The following CFAP20DC variants were observed in gnomAD, a reference collection of about 807,000 sequenced individuals.
CFAP20DC encodes the protein CFAP20 domain containing.
A neutral mutation model predicts 101.7 loss-of-function variants in CFAP20DC; 84 were observed. The ratio of observed to expected loss-of-function variants is 0.83; its 90% CI spans 0.69 to 0.99. The LOEUF (loss-of-function observed/expected upper bound fraction) is 0.99, where lower values mean the gene tolerates loss of function less well. CFAP20DC is among the 50% of genes least tolerant of loss of function. CFAP20DC has a pLI of 0.00. For missense variants in CFAP20DC, 1,007 were observed against 970.3 expected (o/e 1.04, Z -0.50); for synonymous variants, 359 against 351.2 (o/e 1.02, Z -0.25).
At chr3:58,789,284 C>A (rs2072648352) in intron 15 of CFAP20DC, among the ~76,000 whole-genome samples, 1 of 152,092 alleles carries the variant, frequency 6.6e-6, no homozygotes, top group South Asian at 2.1e-4. Flanking sequence ...AAAATAAAAC[C>A]ATCCAAATCT....
At chr3:58,871,535 T>C (rs542195489) in intron 7 of CFAP20DC, among the ~76,000 whole-genome samples, 3 of 151,548 alleles carry the variant, frequency 2.0e-5, no homozygotes, top group Admixed American at 6.6e-5. Context: ...ACTTTTCTTT[T>C]TTTTTTTTTT....
chr3:59,018,123 C>T (rs2108951969), intron 4 of CFAP20DC: 1 of 152,162 alleles, frequency 6.6e-6, no homozygotes, highest in Admixed American at 6.5e-5. Flanking sequence ...GCTGCACTGG[C>T]CAGGGGAGAT....
intron 13 of CFAP20DC, among the ~76,000 whole-genome samples, chr3:58,842,003 C>T (rs565488127): frequency 3.9e-5 from 6 of 152,086 alleles, no homozygotes; most frequent in Non-Finnish European, 8.8e-5. Flanking sequence ...GCAATATTAC[C>T]CAGAGGGTTG....
At chr3:58,945,367 G>A (rs1355468399) in intron 4 of CFAP20DC, among the ~76,000 whole-genome samples, 1 of 152,164 alleles carries the variant, frequency 6.6e-6, no homozygotes, top group Non-Finnish European at 1.5e-5. Flanking sequence ...CCTACACTGT[G>A]TTTGAATGGA....
intron 6 of CFAP20DC, among the ~76,000 whole-genome samples, chr3:58,900,308 G>A (rs1344280052): frequency 6.6e-6 from 1 of 152,224 alleles, no homozygotes; most frequent in Non-Finnish European, 1.5e-5. Flanking sequence ...CTTATGGACA[G>A]AAGCCCCTTA....
intron 4 of CFAP20DC, among the ~76,000 whole-genome samples, chr3:59,033,616 C>A (rs1270950793): frequency 6.6e-6 from 1 of 151,742 alleles, no homozygotes; most frequent in Non-Finnish European, 1.5e-5. Flanking sequence ...TGAAGATCAA[C>A]TTAAGGAAAT....
chr3:58,965,851 C>T (rs941819666), intron 4 of CFAP20DC, among the ~76,000 whole-genome samples: 10 of 152,114 alleles, frequency 6.6e-5, no homozygotes, highest in African/African-American at 1.9e-4. Flanking sequence ...AAAAGAGTTA[C>T]GTGGCATAGA....
rs1344556406 is a variant in CFAP20DC, at chr3:58,788,307, C to A, written c.2237+18088G>T. 1.3e-5 allele frequency among the ~76,000 whole-genome samples: 2 copies of A among 151,988 alleles called. No individual in the cohort carries two copies. The highest frequency in any genetic ancestry group is 4.8e-5 in the African/African-American group (2 of 41,372). ...AGATGGATGTTTCTAATATAATGGG[C>A]CCCTCAGATGAACAAATTAAATTCA... is the stretch of plus-strand genomic sequence containing the variant. On this transcript the variant is annotated intron_variant, in intron 15 of 16. Transcript: ENST00000482387. The surrounding 1 kb of genome is among the most constrained non-coding windows in gnomAD (Gnocchi z 4.2).
intron 3 of CFAP20DC, among the ~76,000 whole-genome samples, chr3:58,719,073 G>A (rs1410020987): frequency 3.3e-5 from 5 of 152,036 alleles, no homozygotes; most frequent in East Asian, 1.9e-4. Flanking sequence ...GGGAAACCTC[G>A]TCTCTACAAA....
At chr3:58,998,580 C>T (rs980161445) in intron 4 of CFAP20DC, among the ~76,000 whole-genome samples, 2 of 152,134 alleles carry the variant, frequency 1.3e-5, no homozygotes, top group African/African-American at 2.4e-5. Flanking sequence ...TGGTTGACTA[C>T]ATTATTAATC....
At chr3:58,867,654 C>A (rs1353389279) in intron 10 of CFAP20DC, among the ~76,000 whole-genome samples, 163 bp downstream of exon 10, 1 of 152,122 alleles carries the variant, frequency 6.6e-6, no homozygotes, top group Non-Finnish European at 1.5e-5. Context: ...GGATCTAGAG[C>A]AATTCTTTTG....
chr3:58,943,602 C>T (rs541389448), intron 4 of CFAP20DC, among the ~76,000 whole-genome samples: 23 of 152,142 alleles, frequency 1.5e-4, no homozygotes, highest in Admixed American at 2.6e-4. Flanking sequence ...TAGATAAATC[C>T]GCGAAGATGA....
rs540492900 is a variant in CFAP20DC at position 58,914,356 on chromosome 3, C to A, written c.394-492G>T. Among the ~76,000 whole-genome samples, 2 of 152,048 alleles carry A rather than the reference C, an allele frequency of 1.3e-5. No individual in the cohort carries two copies. The highest frequency in any genetic ancestry group is 2.4e-5 in the African/African-American group (1 of 41,400). On this transcript the variant is annotated intron_variant, in intron 5 of 16. Transcript: ENST00000482387. This position sits in a 1 kb window ranked among gnomAD's most constrained non-coding sequence, Gnocchi z 4.9. ...ACTTATAACCAATTAACCTATTGTA[C>A]GGAAACAGATTCTTCTAAAGAATTT...
intron 12 of CFAP20DC, among the ~76,000 whole-genome samples, chr3:58,851,331 G>A (rs1488434557): frequency 6.6e-6 from 1 of 152,160 alleles, no homozygotes; most frequent in East Asian, 1.9e-4. Flanking sequence ...TATTAGGATT[G>A]TTGAGGTGCC....
At chr3:58,787,499 T>C (rs1310508944) in intron 15 of CFAP20DC, among the ~76,000 whole-genome samples, 1 of 151,934 alleles carries the variant, frequency 6.6e-6, no homozygotes, top group Non-Finnish European at 1.5e-5. Flanking sequence ...TAAAAAAGAA[T>C]AAATTAAAAA....
rs1042364545 is a variant in CFAP20DC at position 58,795,967 on chromosome 3, G to A, written c.2237+10428C>T. Among the ~76,000 whole-genome samples, 4 of 152,184 alleles carry A rather than the reference G, an allele frequency of 2.6e-5. No individual in the cohort carries two copies. Among genetic ancestry groups the A allele is most frequent in the African/African-American group, 9.7e-5 (4 of 41,440 alleles). On this transcript the variant is annotated intron_variant, in intron 15 of 16. Coordinates refer to ENST00000482387, the MANE Select transcript of CFAP20DC (RefSeq NM_001394063.1). The surrounding 1 kb of genome is among the most constrained non-coding windows in gnomAD (Gnocchi z 4.2). ...AAACTGGAGGGTGGGGTTAGCTGAT[G>A]CTCAGGCAGGCGGGTCCAGACACGA...
intron 4 of CFAP20DC, among the ~76,000 whole-genome samples, chr3:59,003,786 G>C (rs974142454): frequency 1.7e-4 from 26 of 152,326 alleles, no homozygotes; most frequent in Non-Finnish European, 3.5e-4. Context: ...CTTGCGGGAA[G>C]AAAGTAGAGG....
At chr3:58,856,559 G>C (rs1011917169) in intron 12 of CFAP20DC, among the ~76,000 whole-genome samples, 1 of 152,122 alleles carries the variant, frequency 6.6e-6, no homozygotes, top group Non-Finnish European at 1.5e-5. Flanking sequence ...GGGCACCCTA[G>C]GATGTTCATA....
chr3:58,974,008 T>C (rs1039877001), intron 4 of CFAP20DC, among the ~76,000 whole-genome samples: 3 of 152,192 alleles, frequency 2.0e-5, no homozygotes, highest in Admixed American at 6.5e-5. Flanking sequence ...GTCTGGGTGA[T>C]TCATATGGTA....
Sources: allele counts gnomAD v4.1 joint callset (sites outside exome capture counted in the v4.1 genomes callset), GRCh38; gene constraint gnomAD v4.1.1; non-coding constraint Gnocchi (gnomAD v3.1); transcripts MANE v1.5; gene names NCBI Gene and HGNC (gene_info 2026-07-23, HGNC 2026-07-21).